Variants in INPP5B observed in about 807,000 individuals in gnomAD.
INPP5B encodes inositol polyphosphate-5-phosphatase B.
Under a neutral mutation model 118.5 loss-of-function variants are expected in INPP5B, and 90 were observed. The observed-to-expected ratio is 0.76, with a 90% CI of 0.64 to 0.90. INPP5B has a LOEUF of 0.90. Ranked by LOEUF, INPP5B falls within the 40% of genes least tolerant of loss-of-function variation. INPP5B has a pLI of 0.00. For missense variants in INPP5B, 984 were observed against 1,125.6 expected, an observed-to-expected ratio of 0.87 and a Z score of 1.80; for synonymous variants, 385 against 418.9, an observed-to-expected ratio of 0.92 and a Z score of 0.99.
intron 7 of INPP5B, among the ~76,000 whole-genome samples, chr1:37,923,542 C>T (rs1413744627): frequency 6.6e-6 from 1 of 151,780 alleles, no homozygotes; most frequent in Non-Finnish European, 1.5e-5. Context: ...GAGAGGGAAA[C>T]TTGAGGTTGG....
rs1553159486 is a variant in INPP5B, at chr1:37,917,308, T to TTATATACATATATATATATA, written c.532+14604_532+14605insTATATATATATATGTATATA. Among the ~76,000 whole-genome samples the TTATATACATATATATATATA allele has an allele frequency of 6.5e-5, 6 of 92,804 alleles. No homozygotes were observed. The East Asian group carries it at 2.1e-3, about 32-fold the overall frequency. The allele number at this position is 92,804 out of a possible 152,430, so 60.9% of individuals were successfully genotyped here. ...CGTCTCGGGGGAAAAAAAAAAATAATTATATATATATATATATATATATAT... is the reference window on the plus strand; with the variant it reads ...CGTCTCGGGGGAAAAAAAAAAATAATTATATACATATATATATATATATATATATATATATATATATATAT... On this transcript the variant is annotated intron_variant, in intron 7 of 23. Coordinates refer to ENST00000373024, the MANE Select transcript of INPP5B (RefSeq NM_005540.3).
intron 7 of INPP5B, among the ~76,000 whole-genome samples, chr1:37,897,461 C>A (rs183937639): frequency 6.6e-6 from 1 of 151,310 alleles, no homozygotes; most frequent in East Asian, 1.9e-4. Flanking sequence ...CTGAAACATG[C>A]GCTGTATCCA....
At chr1:37,912,949 TA>T (rs35906062) in intron 7 of INPP5B, among the ~76,000 whole-genome samples, 104,754 of 143,512 alleles carry the variant, frequency 0.73, 37,745 homozygotes, top group African/African-American at 0.82. Flanking sequence ...TACTCACTGC[TA>T]AAAAAAAAAA....
At chr1:37,874,217 C>A (rs1163316278) in intron 17 of INPP5B, 62 bp from the exon 18 acceptor site, 17 of 1,292,246 alleles carry the variant, frequency 1.3e-5, no homozygotes, top group Non-Finnish European at 1.7e-5. Flanking sequence ...TGCCCAGCCA[C>A]CCCAACTGGG....
chr1:37,875,205 G>A (rs938524995), intron 17 of INPP5B, among the ~76,000 whole-genome samples: 1 of 152,126 alleles, frequency 6.6e-6, no homozygotes, highest in Non-Finnish European at 1.5e-5. Flanking sequence ...TGCTATAGGT[G>A]CCTCCTAGAA....
At position 37,931,361 on chromosome 1, in the gene INPP5B, G is replaced by A. The variant is rs1645450329; in HGVS notation, c.532+552C>T. The A allele has an allele frequency of 8.0e-6, 10 of 1,252,476 alleles. No homozygotes were observed. The South Asian group carries it at 1.5e-4, about 19-fold the overall frequency. 77.6% of individuals were successfully genotyped at this position (1,252,476 alleles called of 1,614,324 possible). On this transcript the variant is annotated intron_variant, in intron 7 of 23. Transcript: ENST00000373024. ...TCAGGATTGAAGAGCAAGCTCAGAT[G>A]GAGCAACAGGCCCAGAGAGGGGCAG...
chr1:37,888,819 C>G (rs1157948482), intron 9 of INPP5B, among the ~76,000 whole-genome samples: 3 of 152,182 alleles, frequency 2.0e-5, no homozygotes, highest in East Asian at 3.8e-4. Context: ...AATCCCACAA[C>G]CTTTATTAAT....
chr1:37,870,313 G>A (rs992323629), intron 19 of INPP5B, among the ~76,000 whole-genome samples: 1 of 151,994 alleles, frequency 6.6e-6, no homozygotes, highest in Admixed American at 6.6e-5. Context: ...GTCTCATTAC[G>A]TTGAGCAGGC....
At chr1:37,873,942 G>C (rs768067864) in intron 18 of INPP5B, 51 bp downstream of exon 18, 1 of 1,390,722 alleles carries the variant, frequency 7.2e-7, no homozygotes, top group Non-Finnish European at 9.6e-7. Context: ...CAAATATAGA[G>C]TAAGGCATTC....
chr1:37,897,792 T>G (rs944999814), intron 7 of INPP5B, among the ~76,000 whole-genome samples: 4 of 151,664 alleles, frequency 2.6e-5, no homozygotes, highest in Admixed American at 6.6e-5. Context: ...TAAAATAAGA[T>G]AAAAGTAGTG....
At position 37,889,443 on chromosome 1, in the gene INPP5B, A is replaced by T. The variant is rs1355500445; in HGVS notation, c.797+114T>A. Reference sequence around the variant, plus strand: ...AATCACTCATTTTGAAAATGAGGGGAGAGATTCTATAGAAGAGTATGTCTC... The same window carrying T: ...AATCACTCATTTTGAAAATGAGGGGTGAGATTCTATAGAAGAGTATGTCTC... On this transcript the variant is annotated intron_variant, in intron 9 of 23. Transcript: ENST00000373024. 8.0e-6 allele frequency: 6 copies of T among 748,810 alleles called. No homozygotes were observed. In the African/African-American group the frequency reaches 1.1e-4, roughly 13 times the overall value. The allele number at this position is 748,810 out of a possible 1,614,324, so 46.4% of individuals were successfully genotyped here. A position where few individuals can be genotyped will look rare whatever the true frequency, so the allele number is the denominator to read the frequency against.
At position 37,880,292 on chromosome 1, in the gene INPP5B, C is replaced by T; in HGVS notation, c.1432-98G>A. The T allele has an allele frequency of 3.4e-6, 3 of 887,468 alleles. No individual in the cohort carries two copies. The East Asian group carries it at 7.4e-5, about 22-fold the overall frequency. 55.0% of individuals were successfully genotyped at this position (887,468 alleles called of 1,614,324 possible). On this transcript the variant is annotated intron_variant, in intron 14 of 23. Coordinates refer to ENST00000373024, the MANE Select transcript of INPP5B (RefSeq NM_005540.3). Reference sequence around the variant, plus strand: ...TATCAATCTGGAATTCAAACTCTAACCCAAAGGAAAAAGCCCCAAAAGAAA... The same window carrying T: ...TATCAATCTGGAATTCAAACTCTAATCCAAAGGAAAAAGCCCCAAAAGAAA...
At chr1:37,911,133 T>C (rs1054507182) in intron 7 of INPP5B, among the ~76,000 whole-genome samples, 6 of 152,200 alleles carry the variant, frequency 3.9e-5, no homozygotes, top group Non-Finnish European at 5.9e-5. Context: ...AGCCCTTACG[T>C]CTGCGTGTGG....
intron 1 of INPP5B, 140 bp from the exon 2 acceptor site, chr1:37,946,474 C>T: frequency 7.9e-6 from 5 of 632,610 alleles, no homozygotes; most frequent in Non-Finnish European, 8.3e-6. Context: ...TCCTCCTCCT[C>T]CTCCTCTTTG....
At chr1:37,885,900 C>A in intron 12 of INPP5B, 75 bp from the exon 13 acceptor site, 1 of 1,418,690 alleles carries the variant, frequency 7.0e-7, no homozygotes, top group Non-Finnish European at 9.8e-7. Context: ...AACTTTCTGG[C>A]CGGGCACGGT....
At chr1:37,943,417 G>A (rs1244250679) in intron 5 of INPP5B, among the ~76,000 whole-genome samples, 1 of 152,082 alleles carries the variant, frequency 6.6e-6, no homozygotes, top group Non-Finnish European at 1.5e-5. Flanking sequence ...GCGTGTGCAG[G>A]GGCTCCGGGG....
intron 14 of INPP5B, 141 bp downstream of exon 14, chr1:37,882,666 A>C (rs1438662378): frequency 3.2e-6 from 2 of 631,210 alleles, no homozygotes; most frequent in Non-Finnish European, 5.6e-6. Flanking sequence ...GATGAAATGA[A>C]GAAATGACTG....
At chr1:37,925,627 T>C (rs1194844679) in intron 7 of INPP5B, among the ~76,000 whole-genome samples, 1 of 152,182 alleles carries the variant, frequency 6.6e-6, no homozygotes, top group Non-Finnish European at 1.5e-5. Context: ...AATAAATATA[T>C]TGATGCCTCC....
intron 6 of INPP5B, among the ~76,000 whole-genome samples, chr1:37,939,194 C>CA (rs34249747): frequency 0.012 from 893 of 72,976 alleles, 8 homozygotes; most frequent in Middle Eastern, 0.042. Context: ...AACTCCGTCT[C>CA]AAAAAAAAAA....
Sources: allele counts gnomAD v4.1 joint callset (sites outside exome capture counted in the v4.1 genomes callset), GRCh38; gene constraint gnomAD v4.1.1; transcripts MANE v1.5; gene names NCBI Gene and HGNC (gene_info 2026-07-23, HGNC 2026-07-21).